Variants in P3H4 observed in about 807,000 individuals in gnomAD.
The protein encoded by P3H4 is prolyl 3-hydroxylase family member 4 (inactive).
A neutral mutation model predicts 52.9 loss-of-function variants in P3H4; 47 were observed. The ratio of observed to expected loss-of-function variants is 0.89; its 90% CI spans 0.70 to 1.13. The LOEUF (loss-of-function observed/expected upper bound fraction) is 1.13, where lower values mean the gene tolerates loss of function less well. Ranked by LOEUF, P3H4 falls within the 50% of genes most tolerant of loss-of-function variation. The pLI is 0.00. For missense variants in P3H4, 585 were observed against 611.0 expected (o/e 0.96, Z 0.45); for synonymous variants, 256 against 267.9 (o/e 0.96, Z 0.44).
Position 41,802,995 on chromosome 17 carries a change from G to C in P3H4, c.1292-16C>G. ...GGCTCTGGCTCTGAAAAGGAAAGGA[G>C]AAAGCACTGGGGTTGCTCCCCCACC... On this transcript the variant is annotated splice_polypyrimidine_tract_variant and intron_variant, in intron 7 of 7. Coordinates refer to ENST00000393928, the MANE Select transcript of P3H4 (RefSeq NM_006455.3). 1 of 1,610,702 alleles carries C rather than the reference G, an allele frequency of 6.2e-7. No individual in the cohort carries two copies. The highest frequency in any genetic ancestry group is 8.5e-7 in the Non-Finnish European group (1 of 1,178,848).
chr17:41,809,392 G>T (rs781939144), intron 4 of P3H4, among the ~76,000 whole-genome samples: 4 of 152,180 alleles, frequency 2.6e-5, no homozygotes, highest in Non-Finnish European at 5.9e-5. Context: ...CTCTAGCCTG[G>T]GCAAGAGTGA....
rs1269648111 is a variant in P3H4, at chr17:41,810,590, T to C, written c.787+273A>G. The stretch of plus-strand genomic sequence containing the variant: ...CATCTGCTGGGTTACTTCTCACCGC[T>C]GCACCTTTGCATCTGCACTGCCCTC... On this transcript the variant is annotated intron_variant, in intron 3 of 7. Coordinates refer to ENST00000393928, the MANE Select transcript of P3H4 (RefSeq NM_006455.3). 5 of 449,918 alleles carry C rather than the reference T, an allele frequency of 1.1e-5. No homozygotes were observed. In the East Asian group the frequency reaches 1.8e-4, roughly 16 times the overall value. 27.9% of individuals were successfully genotyped at this position (449,918 alleles called of 1,614,324 possible). A position where few individuals can be genotyped will look rare whatever the true frequency, so the allele number is the denominator to read the frequency against.
chr17:41,808,328 C>T (rs1280039852), intron 4 of P3H4, among the ~76,000 whole-genome samples: 1 of 152,194 alleles, frequency 6.6e-6, no homozygotes, highest in African/African-American at 2.4e-5. Flanking sequence ...ATCCTCTCAC[C>T]TCAGCCTCCT....
intron 6 of P3H4, among the ~76,000 whole-genome samples, 171 bp from the exon 7 acceptor site, chr17:41,803,602 GCCCCTC>G (rs2047641669): frequency 6.8e-6 from 1 of 147,722 alleles, no homozygotes; most frequent in Non-Finnish European, 1.5e-5. Flanking sequence ...TTCCCAAACT[GCCCCTC>G]CCTGAGTGGC....
chr17:41,811,903 C>T lies in P3H4; in HGVS notation c.13G>A (p.Ala5Thr), dbSNP rs1555615330. MARV[A>T]WGLLWLLLGS... ...AGCAGCAACCACAGCAGCCCCCACG[C>T]CACCCGAGCCATGCCCGCCGCGCCG... The change falls in exon 1 of 8, where the codon GCG becomes ACG. Residue 5 changes from alanine to threonine, a missense_variant. Ala to Thr is a moderately conservative substitution (Grantham distance 58). Transcript: ENST00000393928. The surrounding 1 kb of genome is among the most constrained non-coding windows in gnomAD (Gnocchi z 4.8). 2 of 1,508,888 alleles carry T rather than the reference C, an allele frequency of 1.3e-6. No individual in the cohort carries two copies. The highest frequency in any genetic ancestry group is 4.2e-5 in the Admixed American group (2 of 47,582). The allele number at this position is 1,508,888 out of a possible 1,614,324, so 93.5% of individuals were successfully genotyped here. A position where few individuals can be genotyped will look rare whatever the true frequency, so the allele number is the denominator to read the frequency against.
chr17:41,804,697 C>T (rs1349455813), intron 6 of P3H4, among the ~76,000 whole-genome samples: 1 of 150,118 alleles, frequency 6.7e-6, no homozygotes, highest in Non-Finnish European at 1.5e-5. Context: ...CAGCCAGGAG[C>T]GGTGGCTCAC....
chr17:41,811,316 T>A lies in P3H4; in HGVS notation c.463-32A>T. On this transcript the variant is annotated intron_variant, in intron 1 of 7. Transcript: ENST00000393928. This position sits in a 1 kb window ranked among gnomAD's most constrained non-coding sequence, Gnocchi z 4.8. ...GGGGGGTAGGGGGTGGGGGAGCGGG[T>A]CAGCAAGACCGGAGCTCGCGGCCCC... 6.2e-7 allele frequency: 1 copy of A among 1,610,444 alleles called. No homozygotes were observed. The highest frequency in any genetic ancestry group is 8.5e-7 in the Non-Finnish European group (1 of 1,179,342).
In P3H4 at chr17:41,811,628, T is replaced by G. The variant is rs941494557; in HGVS notation, c.288A>C (p.Ala96=). ...AAKPDPDGGR[A]DEWACELRLF... Reference sequence around the variant, plus strand: ...GCCGCAGCTCGCAGGCCCACTCGTCTGCGCGGCCGCCGTCGGGATCGGGCT... The same window carrying G: ...GCCGCAGCTCGCAGGCCCACTCGTCGGCGCGGCCGCCGTCGGGATCGGGCT... The change falls in exon 1 of 8, where the codon GCA becomes GCC. Residue 96 remains alanine, a synonymous_variant. Coordinates refer to ENST00000393928, the MANE Select transcript of P3H4 (RefSeq NM_006455.3). The surrounding 1 kb of genome is among the most constrained non-coding windows in gnomAD (Gnocchi z 4.8). 1.4e-6 allele frequency: 2 copies of G among 1,470,954 alleles called. No homozygotes were observed. Among genetic ancestry groups the G allele is most frequent in the African/African-American group, 2.9e-5 (2 of 67,974 alleles). The allele number at this position is 1,470,954 out of a possible 1,614,324, so 91.1% of individuals were successfully genotyped here.
Position 41,811,919 on chromosome 17 carries a change from C to A in P3H4, c.-4G>T. 2 of 1,499,964 alleles carry A rather than the reference C, an allele frequency of 1.3e-6. No individual in the cohort carries two copies. Among genetic ancestry groups the A allele is most frequent in the Non-Finnish European group, 1.8e-6 (2 of 1,133,352 alleles). The allele number at this position is 1,499,964 out of a possible 1,614,324, so 92.9% of individuals were successfully genotyped here. A position where few individuals can be genotyped will look rare whatever the true frequency, so the allele number is the denominator to read the frequency against. ...GCCCCCACGCCACCCGAGCCATGCC[C>A]GCCGCGCCGCCGGCTCTCCGGAGCT... On this transcript the variant is annotated 5_prime_UTR_variant, in exon 1 of 8. Transcript: ENST00000393928. The surrounding 1 kb of genome is among the most constrained non-coding windows in gnomAD (Gnocchi z 4.8).
Position 41,807,991 on chromosome 17 carries a change from G to C in P3H4, c.930C>G (p.Arg310=), listed in dbSNP as rs2047692226. The change falls in exon 5 of 8, where the codon CGC becomes CGG. Residue 310 remains arginine (R), a synonymous_variant. Coordinates refer to ENST00000393928, the MANE Select transcript of P3H4 (RefSeq NM_006455.3). ...AGCTGGCGGCGCTGCGGGCAGCCTG[G>C]CGCACATCATTCACTGCAGCAGGAC... ...QFAYYKLNDV[R]QAARSAASYM... is the part of the protein sequence containing the mutation. 1 of 1,613,728 alleles carries C rather than the reference G, an allele frequency of 6.2e-7. No homozygotes were observed.
chr17:41,807,913 G>A lies in P3H4; in HGVS notation c.1008C>T (p.Tyr336=). 1 of 1,614,180 alleles carries A rather than the reference G, an allele frequency of 6.2e-7. No individual in the cohort carries two copies. The highest frequency in any genetic ancestry group is 8.5e-7 in the Non-Finnish European group (1 of 1,180,020). ...GGCCCCAGCGAGCCCGGTGGAACCG[G>A]TAATACACCAGGTTCTGCTGCATGA... ...DSVMQQNLVY[Y]RFHRARWGLE... Residue 336 remains tyrosine (Y), a synonymous_variant, in exon 5 of 8, where the codon TAC becomes TAT. Coordinates refer to ENST00000393928, the MANE Select transcript of P3H4 (RefSeq NM_006455.3).
Position 41,807,847 on chromosome 17 carries a change from A to T in P3H4, c.1062+12T>A. The T allele has an allele frequency of 6.2e-7, 1 of 1,608,362 alleles. No homozygotes were observed. The highest frequency in any genetic ancestry group is 8.5e-7 in the Non-Finnish European group (1 of 1,177,536). ...TGCATATCCAGCAAGTGCCCCAGAA[A>T]GCAGTGCCCACCTCCCGGGGCTGGA... On this transcript the variant is annotated intron_variant, in intron 5 of 7. Coordinates refer to ENST00000393928, the MANE Select transcript of P3H4 (RefSeq NM_006455.3).
intron 4 of P3H4, 73 bp from the exon 5 acceptor site, chr17:41,808,077 C>A: frequency 6.5e-7 from 1 of 1,535,706 alleles, no homozygotes; most frequent in South Asian, 1.2e-5. Flanking sequence ...CCAGTTCAGT[C>A]CAGCACCCCT....
chr17:41,811,771 C>G lies in P3H4; in HGVS notation c.145G>C (p.Gly49Arg). 6.5e-7 allele frequency: 1 copy of G among 1,532,526 alleles called. No individual in the cohort carries two copies. The highest frequency in any genetic ancestry group is 8.7e-7 in the Non-Finnish European group (1 of 1,151,640). 94.9% of individuals were successfully genotyped at this position (1,532,526 alleles called of 1,614,324 possible). A position where few individuals can be genotyped will look rare whatever the true frequency, so the allele number is the denominator to read the frequency against. Reference sequence around the variant, plus strand: ...CGCGCGCTCTCGCGCCAGCTCTCTCCCTCGTACTGCTCCAGAGCGTGCCCG... The same window carrying G: ...CGCGCGCTCTCGCGCCAGCTCTCTCGCTCGTACTGCTCCAGAGCGTGCCCG... The part of the protein sequence containing the change: ...AYGHALEQYE[G>R]ESWRESARYL... Residue 49 changes from glycine (G) to arginine (R), a missense_variant, in exon 1 of 8, where the codon GGA becomes CGA. Gly to Arg is a moderately radical substitution (Grantham distance 125, BLOSUM62 -2). Transcript: ENST00000393928. The surrounding 1 kb of genome is among the most constrained non-coding windows in gnomAD (Gnocchi z 4.8).
rs554470203 is a variant in P3H4 at position 41,808,714 on chromosome 17, AT to A, written c.917-711del. Among the ~76,000 whole-genome samples the A allele has an allele frequency of 1.5e-3, 232 of 152,214 alleles. 3 individuals carry two copies. Among genetic ancestry groups the A allele is most frequent in the African/African-American group, 5.3e-3 (222 of 41,500 alleles). On this transcript the variant is annotated intron_variant, in intron 4 of 7. Transcript: ENST00000393928. The stretch of plus-strand genomic sequence containing the variant: ...ATGCCTACCTATTACTGTCATCCCC[AT>A]TTTACAGTCAAGAAATCTGAGTCAC...
intron 7 of P3H4, 98 bp from the exon 8 acceptor site, chr17:41,803,077 G>A (rs947576248): frequency 5.4e-6 from 8 of 1,481,648 alleles, no homozygotes; most frequent in South Asian, 1.2e-5. Flanking sequence ...AGGCTCCCCC[G>A]GACAGGTCTC....
rs559762565 is a variant in P3H4, at chr17:41,802,821, G to A, written c.*136C>T. On this transcript the variant is annotated 3_prime_UTR_variant, in exon 8 of 8. Transcript: ENST00000393928. Reference sequence around the variant, plus strand: ...CCCACCTTGGCCTCCCAAAATGCTGGGATTACAGGTGTGAGCCACCGCACC... The same window carrying A: ...CCCACCTTGGCCTCCCAAAATGCTGAGATTACAGGTGTGAGCCACCGCACC... The A allele has an allele frequency of 1.5e-4, 137 of 889,490 alleles. No individual in the cohort carries two copies. Among genetic ancestry groups the A allele is most frequent in the East Asian group, 7.8e-4 (29 of 37,296 alleles). The allele number at this position is 889,490 out of a possible 1,614,324, so 55.1% of individuals were successfully genotyped here.
intron 3 of P3H4, chr17:41,810,596 T>C (rs1385257731): frequency 8.7e-6 from 4 of 458,176 alleles, no homozygotes; most frequent in African/African-American, 5.9e-5. Context: ...CCGCTGCACC[T>C]TTGCATCTGC....
At position 41,802,878 on chromosome 17, in the gene P3H4, T is replaced by C. The variant is rs2047632222; in HGVS notation, c.*79A>G. ...ATCTTAAGTTTTTAATAAATAGTTC[T>C]TGCTGCTGCCCAGGCTGGTGAGGGT... On this transcript the variant is annotated 3_prime_UTR_variant, in exon 8 of 8. Coordinates refer to ENST00000393928, the MANE Select transcript of P3H4 (RefSeq NM_006455.3). 6.8e-7 allele frequency: 1 copy of C among 1,460,132 alleles called. No homozygotes were observed. The highest frequency in any genetic ancestry group is 9.5e-7 in the Non-Finnish European group (1 of 1,048,806). The allele number at this position is 1,460,132 out of a possible 1,614,324, so 90.4% of individuals were successfully genotyped here. A position where few individuals can be genotyped will look rare whatever the true frequency, so the allele number is the denominator to read the frequency against.
Sources: allele counts gnomAD v4.1 joint callset (sites outside exome capture counted in the v4.1 genomes callset), GRCh38; gene constraint gnomAD v4.1.1; non-coding constraint Gnocchi (gnomAD v3.1); transcripts MANE v1.5; gene names NCBI Gene and HGNC (gene_info 2026-07-23, HGNC 2026-07-21).